The following SMG7 variants were observed in gnomAD, a reference collection of about 807,000 sequenced individuals.
SMG7 encodes the protein SMG7 nonsense mediated mRNA decay factor.
SMG7 carries 34 observed loss-of-function variants against 148.2 expected under a neutral mutation model. The ratio of observed to expected loss-of-function variants is 0.23; its 90% CI spans 0.17 to 0.31. The LOEUF is 0.31. SMG7 is among the 10% of genes least tolerant of loss of function. SMG7 has a pLI of 1.00. For missense variants in SMG7, 1,114 were observed against 1,408.4 expected (o/e 0.79, Z 3.35); for synonymous variants, 492 against 515.1 (o/e 0.96, Z 0.61).
At chr1:183,499,346 T>C (rs1427248264) in intron 1 of SMG7, among the ~76,000 whole-genome samples, 1 of 152,222 alleles carries the variant, frequency 6.6e-6, no homozygotes, top group South Asian at 2.1e-4. Flanking sequence ...GTGACTGTAC[T>C]ATTTTGCATT....
chr1:183,553,142 C>T lies in SMG7; in HGVS notation c.*1211C>T, dbSNP rs1671321737. The T allele has an allele frequency of 1.3e-6, 2 of 1,536,406 alleles. No homozygotes were observed. The highest frequency in any genetic ancestry group is 4.9e-5 in the East Asian group (2 of 40,920). On this transcript the variant is annotated 3_prime_UTR_variant, in exon 23 of 23. Transcript: ENST00000688051. ...CAAGGCAGCACGGACATGTGCCCAT[C>T]AGGCACAGAAGAAAACACGACGTCG...
chr1:183,522,677 TCAG>T (rs1400509308), intron 4 of SMG7, among the ~76,000 whole-genome samples: 6 of 152,266 alleles, frequency 3.9e-5, no homozygotes, highest in African/African-American at 1.4e-4. Context: ...AAATGTAACT[TCAG>T]CAGTGTTGGG....
Position 183,472,512 on chromosome 1 carries a change from A to C in SMG7, c.-109A>C. ...CTGCCGAGCGAGGAGGAGCCGGAGGAGAGGAAGATGGCGGCGGCCGCCAGC... is the reference window on the plus strand; with the variant it reads ...CTGCCGAGCGAGGAGGAGCCGGAGGCGAGGAAGATGGCGGCGGCCGCCAGC... On this transcript the variant is annotated 5_prime_UTR_variant, in exon 1 of 23. Coordinates refer to ENST00000688051, the MANE Select transcript of SMG7 (RefSeq NM_001375584.1). 3 of 1,020,908 alleles carry C rather than the reference A, an allele frequency of 2.9e-6. No homozygotes were observed. Among genetic ancestry groups the C allele is most frequent in the Non-Finnish European group, 4.0e-6 (3 of 755,774 alleles). The allele number at this position is 1,020,908 out of a possible 1,614,324, so 63.2% of individuals were successfully genotyped here. A position where few individuals can be genotyped will look rare whatever the true frequency, so the allele number is the denominator to read the frequency against.
chr1:183,508,929 A>G (rs1032417303), intron 1 of SMG7, among the ~76,000 whole-genome samples: 1 of 152,236 alleles, frequency 6.6e-6, no homozygotes, highest in African/African-American at 2.4e-5. Context: ...ACTATTGTTG[A>G]TGATTCCTTA....
chr1:183,481,984 G>A (rs1043338669), intron 1 of SMG7, among the ~76,000 whole-genome samples: 4 of 152,046 alleles, frequency 2.6e-5, no homozygotes, highest in African/African-American at 9.7e-5. Flanking sequence ...CCTGTGGGCT[G>A]AATTTTAAAA....
intron 11 of SMG7, among the ~76,000 whole-genome samples, chr1:183,537,424 C>T (rs1304482707): frequency 6.6e-6 from 1 of 152,124 alleles, no homozygotes; most frequent in Non-Finnish European, 1.5e-5. Context: ...TAGCATCATT[C>T]AAATAGGAGT....
At chr1:183,499,755 A>G (rs576909719) in intron 1 of SMG7, among the ~76,000 whole-genome samples, 2 of 152,058 alleles carry the variant, frequency 1.3e-5, no homozygotes, top group African/African-American at 4.8e-5. Context: ...CAGTTTTTTC[A>G]TATTACCATT....
intron 10 of SMG7, among the ~76,000 whole-genome samples, chr1:183,535,353 T>C (rs1045843974): frequency 1.1e-4 from 16 of 152,180 alleles, no homozygotes; most frequent in African/African-American, 3.6e-4. Flanking sequence ...ATTTTTTCCC[T>C]CCATTTTTTT....
intron 1 of SMG7, among the ~76,000 whole-genome samples, chr1:183,506,539 T>C (rs1442167718): frequency 6.6e-6 from 1 of 152,094 alleles, no homozygotes; most frequent in Non-Finnish European, 1.5e-5. Context: ...ATAATTATGA[T>C]TAGATTATTG....
At chr1:183,508,948 A>G (rs1374138407) in intron 1 of SMG7, among the ~76,000 whole-genome samples, 1 of 152,236 alleles carries the variant, frequency 6.6e-6, no homozygotes, top group Non-Finnish European at 1.5e-5. Flanking sequence ...TATAACCATA[A>G]TTTGGTTTGG....
At chr1:183,476,464 C>G (rs552508784) in intron 1 of SMG7, among the ~76,000 whole-genome samples, 19 of 152,134 alleles carry the variant, frequency 1.2e-4, no homozygotes, top group African/African-American at 4.3e-4. Context: ...GGTGGGAAAC[C>G]AAGGAGCAAG....
At chr1:183,484,673 C>CAGT (rs1300362362) in intron 1 of SMG7, among the ~76,000 whole-genome samples, 1 of 151,940 alleles carries the variant, frequency 6.6e-6, no homozygotes, top group Non-Finnish European at 1.5e-5. Flanking sequence ...GAGAGGTGTG[C>CAGT]AGTATATCCT....
chr1:183,546,418 A>G, intron 17 of SMG7, 81 bp downstream of exon 17: 1 of 1,438,780 alleles, frequency 7.0e-7, no homozygotes, highest in Non-Finnish European at 9.4e-7. Context: ...AATAGATCTT[A>G]TAAAAAGGCC....
chr1:183,504,026 G>A (rs1660347394), intron 1 of SMG7, among the ~76,000 whole-genome samples: 1 of 152,104 alleles, frequency 6.6e-6, no homozygotes, highest in Non-Finnish European at 1.5e-5. Flanking sequence ...ATGGGCCGAG[G>A]CATTATTCTA....
intron 12 of SMG7, among the ~76,000 whole-genome samples, chr1:183,539,444 T>A (rs1355994169): frequency 6.6e-6 from 1 of 152,210 alleles, no homozygotes; most frequent in Non-Finnish European, 1.5e-5. Context: ...ATTCTTTTCT[T>A]GCCCTTTCCT....
Position 183,549,871 on chromosome 1 carries a change from G to C in SMG7, c.3081G>C (p.Leu1027=). 1 of 1,613,920 alleles carries C rather than the reference G, an allele frequency of 6.2e-7. No homozygotes were observed. The highest frequency in any genetic ancestry group is 8.5e-7 in the Non-Finnish European group (1 of 1,179,878). ...SPSMAPQETS[L]YSLFEGTPWS... is the part of the protein sequence containing the mutation. The stretch of plus-strand genomic sequence containing the variant: ...CAATGGCCCCCCAGGAAACATCTCT[G>C]TATTCCCTTTTTGAAGGGACTCCGT... Residue 1027 remains leucine, a synonymous_variant, in exon 20 of 23, where the codon CTG becomes CTC. Coordinates refer to ENST00000688051, the MANE Select transcript of SMG7 (RefSeq NM_001375584.1).
intron 4 of SMG7, among the ~76,000 whole-genome samples, chr1:183,524,693 C>T (rs745577561): frequency 1.1e-4 from 17 of 152,054 alleles, no homozygotes; most frequent in South Asian, 2.1e-4. Flanking sequence ...TTAGTCCAGT[C>T]GCTTGATTAT....
In SMG7 at chr1:183,545,032, A is replaced by G. The variant is rs1333694449; in HGVS notation, c.2090A>G (p.Gln697Arg). The G allele has an allele frequency of 6.2e-7, 1 of 1,613,754 alleles. No individual in the cohort carries two copies. The highest frequency in any genetic ancestry group is 1.7e-5 in the Admixed American group (1 of 59,976). Reference sequence around the variant, plus strand: ...GTTTCTGTCCCAGGAACCTTTCTTCAGCCTACAGCTCACTCTCCAGCAGGA... The same window carrying G: ...GTTTCTGTCCCAGGAACCTTTCTTCGGCCTACAGCTCACTCTCCAGCAGGA... ...AGVSVPGTFLQPTAHSPAGNQ... is the reference protein window; with the variant it reads ...AGVSVPGTFLRPTAHSPAGNQ... Residue 697 changes from glutamine (Q) to arginine (R), a missense_variant, in exon 16 of 23, where the codon CAG becomes CGG. Around this residue, in one of 4 missense-constraint regions of SMG7, gnomAD observed 788 missense variants for 894.5 expected, o/e 0.88. Transcript: ENST00000688051.
intron 1 of SMG7, among the ~76,000 whole-genome samples, chr1:183,479,567 GTAGTAATAGGC>G (rs1230039868): frequency 6.6e-6 from 1 of 152,054 alleles, no homozygotes; most frequent in Non-Finnish European, 1.5e-5. Context: ...TTTCTTTTAG[GTAGTAATAGGC>G]TAGTTACCAT....
Sources: allele counts gnomAD v4.1 joint callset (sites outside exome capture counted in the v4.1 genomes callset), GRCh38; gene constraint gnomAD v4.1.1; regional missense constraint gnomAD v4.1.1; transcripts MANE v1.5; gene names NCBI Gene and HGNC (gene_info 2026-07-23, HGNC 2026-07-21).